The following MYO1B variants were observed in gnomAD, a reference collection of about 807,000 sequenced individuals.
The protein encoded by MYO1B is unconventional myosin-Ib.
In MYO1B, 72 loss-of-function variants were observed where a neutral mutation model predicts 159.7. That is an observed-to-expected ratio of 0.45 (90% CI 0.37 to 0.55). The LOEUF (loss-of-function observed/expected upper bound fraction) is 0.55, where lower values mean the gene tolerates loss of function less well. Ranked by LOEUF, MYO1B falls within the 20% of genes least tolerant of loss-of-function variation. The pLI, the probability that MYO1B is intolerant of heterozygous loss-of-function variation, is 0.00. For synonymous variants in MYO1B, 468 were observed against 473.8 expected (o/e 0.99, Z 0.16); for missense variants, 1,062 against 1,364.8 (o/e 0.78, Z 3.50).
At chr2:191,286,273 G>A (rs1252516335) in intron 2 of MYO1B, among the ~76,000 whole-genome samples, 1 of 151,648 alleles carries the variant, frequency 6.6e-6, no homozygotes, top group Non-Finnish European at 1.5e-5. Flanking sequence ...TTTTACTTAG[G>A]CATTTTGCAC....
At chr2:191,411,927 C>T (rs1411053105) in intron 27 of MYO1B, among the ~76,000 whole-genome samples, 2 of 152,226 alleles carry the variant, frequency 1.3e-5, no homozygotes, top group African/African-American at 2.4e-5. Flanking sequence ...CAACTTTAAG[C>T]TTCTTCCAAT....
intron 1 of MYO1B, among the ~76,000 whole-genome samples, chr2:191,248,542 G>A (rs1286001736): frequency 6.6e-6 from 1 of 152,142 alleles, no homozygotes; most frequent in East Asian, 1.9e-4. Context: ...TGGGAGCTGC[G>A]GCTCGCTGCC....
intron 3 of MYO1B, among the ~76,000 whole-genome samples, chr2:191,324,712 G>A (rs1037006208): frequency 5.9e-5 from 9 of 152,158 alleles, no homozygotes; most frequent in Non-Finnish European, 1.3e-4. Flanking sequence ...ACTGTAATGT[G>A]TACATAAATT....
chr2:191,302,967 A>G (rs115325931), intron 3 of MYO1B, among the ~76,000 whole-genome samples: 5,856 of 152,236 alleles, frequency 0.038, 384 homozygotes, highest in African/African-American at 0.13. Context: ...TCAGGATCAC[A>G]TACCGTTGCC....
In MYO1B at chr2:191,319,288, G is replaced by A. The variant is rs1418072557; in HGVS notation, c.252-10647G>A. ...CAGGACAGGGGTAAGGGAGGGAATGGGAGTGGAAACCATCTGGAAGACACA... is the reference window on the plus strand; with the variant it reads ...CAGGACAGGGGTAAGGGAGGGAATGAGAGTGGAAACCATCTGGAAGACACA... On this transcript the variant is annotated intron_variant, in intron 3 of 30. Transcript: ENST00000392318. Among the ~76,000 whole-genome samples, 6 of 152,084 alleles carry A rather than the reference G, an allele frequency of 3.9e-5. No individual in the cohort carries two copies. In the East Asian group the frequency reaches 1.2e-3, roughly 29 times the overall value.
intron 4 of MYO1B, among the ~76,000 whole-genome samples, chr2:191,337,790 C>A (rs548418957): frequency 2.0e-5 from 3 of 152,196 alleles, no homozygotes; most frequent in African/African-American, 7.2e-5. Flanking sequence ...CAACATAATT[C>A]AAAAACCAGA....
chr2:191,322,802 AAG>A (rs1471908716), intron 3 of MYO1B, among the ~76,000 whole-genome samples: 1 of 152,124 alleles, frequency 6.6e-6, no homozygotes, highest in African/African-American at 2.4e-5. Context: ...TCCAGACCCC[AAG>A]AGAGAGGGTT....
rs909762973 is a variant in MYO1B at position 191,396,556 on chromosome 2, T to C, written c.2295+59T>C. 1.2e-5 allele frequency: 18 copies of C among 1,553,536 alleles called. No homozygotes were observed. In the East Asian group the frequency reaches 3.4e-4, roughly 29 times the overall value. ...GGGTTTTCTGGTTTTTCACAAAGGA[T>C]AATGTCTTTAGGGTCACCCTGCAGA... On this transcript the variant is annotated intron_variant, in intron 21 of 30. Transcript: ENST00000392318.
intron 1 of MYO1B, among the ~76,000 whole-genome samples, chr2:191,266,909 T>C (rs1349835221): frequency 1.3e-5 from 2 of 152,234 alleles, no homozygotes; most frequent in African/African-American, 4.8e-5. Flanking sequence ...CTTTTTTCCC[T>C]CTCGTCAGTT....
intron 16 of MYO1B, 117 bp downstream of exon 16, chr2:191,386,201 A>T (rs1201705502): frequency 2.3e-6 from 2 of 864,282 alleles, no homozygotes; most frequent in African/African-American, 3.3e-5. Flanking sequence ...TTGAGCTGCT[A>T]AAGTGGTTGA....
At chr2:191,268,782 GAC>G (rs1559128612) in intron 1 of MYO1B, among the ~76,000 whole-genome samples, 1 of 152,174 alleles carries the variant, frequency 6.6e-6, no homozygotes, top group Non-Finnish European at 1.5e-5. Flanking sequence ...ACAGCCACCT[GAC>G]TGTGGTGTCT....
In MYO1B at chr2:191,350,198, G is replaced by T. The variant is rs201644151; in HGVS notation, c.535G>T (p.Asp179Tyr). ...YMDIEFDFKG[D>Y]PLGGVISNYL... is the part of the protein sequence containing the mutation. The stretch of plus-strand genomic sequence containing the variant: ...GGATATTGAATTTGACTTTAAAGGC[G>T]ATCCACTAGGAGGAGTAATAAGTAA... Residue 179 changes from aspartate (D) to tyrosine (Y), a missense_variant, in exon 7 of 31, where the codon GAT becomes TAT. By Grantham distance (160) the Asp-to-Tyr change is radical. Coordinates refer to ENST00000392318, the MANE Select transcript of MYO1B (RefSeq NM_001130158.3). 2.5e-6 allele frequency: 4 copies of T among 1,612,686 alleles called. 1 individual carries two copies. In the South Asian group the frequency reaches 3.3e-5, roughly 13 times the overall value.
intron 21 of MYO1B, among the ~76,000 whole-genome samples, chr2:191,398,772 A>G (rs1401666276): frequency 6.8e-6 from 1 of 146,826 alleles, no homozygotes; most frequent in Non-Finnish European, 1.5e-5. Flanking sequence ...GACGCTCCTC[A>G]CTTTCCAGAC....
At chr2:191,404,863 C>T (rs1696817753) in intron 24 of MYO1B, among the ~76,000 whole-genome samples, 1 of 152,198 alleles carries the variant, frequency 6.6e-6, no homozygotes, top group African/African-American at 2.4e-5. Context: ...CTTGGCTTAT[C>T]TTGATGTCGA....
chr2:191,336,770 C>T (rs189391686), intron 4 of MYO1B, among the ~76,000 whole-genome samples: 18 of 152,234 alleles, frequency 1.2e-4, no homozygotes, highest in African/African-American at 4.3e-4. Context: ...AACATGGCCT[C>T]ATTGATTTAG....
intron 4 of MYO1B, among the ~76,000 whole-genome samples, 198 bp from the exon 5 acceptor site, chr2:191,341,263 A>G (rs1692204192): frequency 6.6e-6 from 1 of 152,114 alleles, no homozygotes; most frequent in Non-Finnish European, 1.5e-5. Flanking sequence ...CACAGTTTTT[A>G]TTATGTCTGA....
At chr2:191,394,470 C>G (rs1289645437) in intron 20 of MYO1B, among the ~76,000 whole-genome samples, 3 of 152,198 alleles carry the variant, frequency 2.0e-5, no homozygotes, top group Non-Finnish European at 4.4e-5. Flanking sequence ...GTCTTGAATT[C>G]TACAAATATT....
At chr2:191,409,277 C>A in intron 26 of MYO1B, 99 bp downstream of exon 26, 1 of 1,313,858 alleles carries the variant, frequency 7.6e-7, no homozygotes, top group Non-Finnish European at 1.1e-6. Context: ...TCTTCCTTTG[C>A]CTCAAAGAGG....
intron 7 of MYO1B, among the ~76,000 whole-genome samples, chr2:191,352,245 T>A (rs2125987454): frequency 6.6e-6 from 1 of 152,354 alleles, no homozygotes; most frequent in East Asian, 1.9e-4. Flanking sequence ...TTTTAAGGAA[T>A]GATTAATATT....
Sources: gnomAD v4.1 joint callset for allele counts (sites outside exome capture counted in the v4.1 genomes callset) on GRCh38, gnomAD v4.1.1 for gene constraint, MANE v1.5 for transcripts, NCBI Gene and HGNC (gene_info 2026-07-23, HGNC 2026-07-21) for gene names.